The following CDKN2B-AS1 variants were observed in gnomAD, a reference collection of about 807,000 sequenced individuals.
CDKN2B-AS1 encodes CDKN2B antisense RNA 1 (non-protein coding).
intron 4 of CDKN2B-AS1, among the ~76,000 whole-genome samples, chr9:22,103,857 A>G (rs1419350383): frequency 6.6e-6 from 1 of 152,218 alleles, no homozygotes; most frequent in Admixed American, 6.5e-5. Flanking sequence ...AAATGTCCTT[A>G]CATAACACTG....
chr9:22,067,544 G>A (rs371501786), intron 4 of CDKN2B-AS1, among the ~76,000 whole-genome samples: 4 of 151,612 alleles, frequency 2.6e-5, no homozygotes, highest in Admixed American at 6.6e-5. Flanking sequence ...ACACACGCAC[G>A]CACACACACA....
At chr9:22,013,786 T>C (rs1004666145) in intron 1 of CDKN2B-AS1, among the ~76,000 whole-genome samples, 27 of 152,310 alleles carry the variant, frequency 1.8e-4, no homozygotes, top group Admixed American at 5.2e-4. Context: ...TTCCCCCTTT[T>C]GCCTTCTTTT....
intron 4 of CDKN2B-AS1, among the ~76,000 whole-genome samples, chr9:22,106,640 A>G (rs1475308534): frequency 6.6e-6 from 1 of 152,226 alleles, no homozygotes; most frequent in East Asian, 1.9e-4. Context: ...GACTGGCACA[A>G]AGTAGGCACT....
Position 22,005,081 on chromosome 9 carries a change from G to A in CDKN2B-AS1, n.29+9920G>A, listed in dbSNP as rs530815253. On this transcript the variant is annotated intron_variant and non_coding_transcript_variant, in intron 1 of 4. Transcript: ENST00000650946. This position sits in a 1 kb window ranked among gnomAD's most constrained non-coding sequence, Gnocchi z 4.9. ...CAAAATATCACAAAATCAAAAAGTA[G>A]CAAGTCATAAGGGGATTTCCGCATC... The A allele has an allele frequency of 2.6e-5, 6 of 232,726 alleles. No individual in the cohort carries two copies. The highest frequency in any genetic ancestry group is 1.3e-4 in the African/African-American group (6 of 45,244). The allele number at this position is 232,726 out of a possible 1,614,324, so 14.4% of individuals were successfully genotyped here. A position where few individuals can be genotyped will look rare whatever the true frequency, so the allele number is the denominator to read the frequency against.
intron 1 of CDKN2B-AS1, chr9:22,029,862 G>T: frequency 5.5e-6 from 1 of 182,412 alleles, no homozygotes; most frequent in East Asian, 1.4e-4. Flanking sequence ...ATTACAAAAT[G>T]GATAGTGGAT....
At chr9:22,029,793 A>C (rs1472071390) in intron 1 of CDKN2B-AS1, 1 of 304,296 alleles carries the variant, frequency 3.3e-6, no homozygotes, top group African/African-American at 2.2e-5. Flanking sequence ...ATAATCACTA[A>C]GATGTTAGTA....
At chr9:22,101,353 G>A (rs2131356034) in intron 4 of CDKN2B-AS1, among the ~76,000 whole-genome samples, 1 of 152,192 alleles carries the variant, frequency 6.6e-6, no homozygotes, top group Middle Eastern at 3.4e-3. Flanking sequence ...ACTTTATAAT[G>A]CTTTTATAAG....
rs1021146113 is a variant in CDKN2B-AS1, at chr9:21,996,775, A to G, written n.29+1614A>G. ...AGAAAGGGTTAGTTCATCCTGGAAG[A>G]AAAACGATGTCGGATGCCAGCATAG... On this transcript the variant is annotated intron_variant and non_coding_transcript_variant, in intron 1 of 4. Coordinates refer to ENST00000650946, the Ensembl canonical transcript of CDKN2B-AS1. This position sits in a 1 kb window ranked among gnomAD's most constrained non-coding sequence, Gnocchi z 5.4. 6.6e-6 allele frequency among the ~76,000 whole-genome samples: 1 copy of G among 152,192 alleles called. No homozygotes were observed. The highest frequency in any genetic ancestry group is 1.5e-5 in the Non-Finnish European group (1 of 68,040).
chr9:22,009,696 C>T (rs935580596), intron 1 of CDKN2B-AS1, among the ~76,000 whole-genome samples: 1 of 152,156 alleles, frequency 6.6e-6, no homozygotes, highest in Non-Finnish European at 1.5e-5. Flanking sequence ...AAAATAACTC[C>T]GTGTTTCTTA....
chr9:22,067,492 T>A (rs759301953), intron 4 of CDKN2B-AS1, among the ~76,000 whole-genome samples: 2 of 152,010 alleles, frequency 1.3e-5, no homozygotes, highest in Non-Finnish European at 1.5e-5. Flanking sequence ...GTTATTGTCA[T>A]TACAGAGTGC....
chr9:22,024,285 G>A (rs1369500073), intron 1 of CDKN2B-AS1, among the ~76,000 whole-genome samples: 1 of 152,272 alleles, frequency 6.6e-6, no homozygotes, highest in East Asian at 1.9e-4. Context: ...TTTGTTCTCT[G>A]GTTCCTCGAG....
At chr9:22,094,037 T>G (rs1825188387) in intron 4 of CDKN2B-AS1, among the ~76,000 whole-genome samples, 1 of 144,546 alleles carries the variant, frequency 6.9e-6, no homozygotes, top group South Asian at 2.1e-4. Flanking sequence ...TCTTAGCATT[T>G]GCTTTTCTGT....
Position 21,997,592 on chromosome 9 carries a change from G to C in CDKN2B-AS1, n.29+2431G>C, listed in dbSNP as rs533257703. On this transcript the variant is annotated intron_variant and non_coding_transcript_variant, in intron 1 of 4. Coordinates refer to ENST00000650946, the Ensembl canonical transcript of CDKN2B-AS1. This position sits in a 1 kb window ranked among gnomAD's most constrained non-coding sequence, Gnocchi z 4.8. ...ATTGGAGACCCAGGGAAGAGTTGTT[G>C]TTGCAAGACTTGAATCCAAAGGCAA... Among the ~76,000 whole-genome samples, 37 of 152,204 alleles carry C rather than the reference G, an allele frequency of 2.4e-4. No individual in the cohort carries two copies. Among genetic ancestry groups the C allele is most frequent in the African/African-American group, 8.9e-4 (37 of 41,538 alleles).
At chr9:22,058,239 G>A (rs1054046844) in intron 4 of CDKN2B-AS1, 3 of 152,256 alleles carry the variant, frequency 2.0e-5, no homozygotes, top group Non-Finnish European at 4.4e-5. Context: ...ATTGAAAATA[G>A]ATTGCCTCTC....
At position 22,083,774 on chromosome 9, in the gene CDKN2B-AS1, T is replaced by C. The variant is rs1405482498; in HGVS notation, n.438+27387T>C. Among the ~76,000 whole-genome samples, 5 of 152,126 alleles carry C rather than the reference T, an allele frequency of 3.3e-5. 1 individual carries two copies. The East Asian group carries it at 5.8e-4, about 18-fold the overall frequency. On this transcript the variant is annotated intron_variant and non_coding_transcript_variant, in intron 4 of 4. Coordinates refer to ENST00000650946, the Ensembl canonical transcript of CDKN2B-AS1. ...AGGGTAGGTAAGATGCTGAGTTCAGTTTTGGATGTGTTGAGATGGACTGGT... is the reference window on the plus strand; with the variant it reads ...AGGGTAGGTAAGATGCTGAGTTCAGCTTTGGATGTGTTGAGATGGACTGGT...
At chr9:22,099,723 C>G (rs2131353741) in intron 4 of CDKN2B-AS1, among the ~76,000 whole-genome samples, 1 of 148,328 alleles carries the variant, frequency 6.7e-6, no homozygotes, top group Non-Finnish European at 1.5e-5. Context: ...ACATTTAGAT[C>G]CTGATGTGGT....
chr9:22,039,355 A>T lies in CDKN2B-AS1; in HGVS notation n.30-7396A>T, dbSNP rs942646630. 6.6e-6 allele frequency among the ~76,000 whole-genome samples: 1 copy of T among 151,764 alleles called. No individual in the cohort carries two copies. Among genetic ancestry groups the T allele is most frequent in the African/African-American group, 2.4e-5 (1 of 41,310 alleles). On this transcript the variant is annotated intron_variant and non_coding_transcript_variant, in intron 1 of 4. Coordinates refer to ENST00000650946, the Ensembl canonical transcript of CDKN2B-AS1. This position sits in a 1 kb window ranked among gnomAD's most constrained non-coding sequence, Gnocchi z 4.4. ...GTCCTGTCTTTATGAAACCAGTATA[A>T]TTTTTCTTTTCGCTCTTGTCCTTCA... is the stretch of plus-strand genomic sequence containing the variant.
chr9:22,124,171 T>C (rs1175783621), intron 4 of CDKN2B-AS1, among the ~76,000 whole-genome samples: 1 of 152,226 alleles, frequency 6.6e-6, no homozygotes, highest in Non-Finnish European at 1.5e-5. Flanking sequence ...GGAAGATTAA[T>C]TACACTTTCT....
intron 1 of CDKN2B-AS1, among the ~76,000 whole-genome samples, chr9:22,018,675 A>G (rs979566571): frequency 7.2e-5 from 11 of 152,134 alleles, no homozygotes; most frequent in African/African-American, 2.4e-4. Context: ...GAAAAACATA[A>G]TCCATGTATG....
Sources: gnomAD v4.1 joint callset for allele counts (sites outside exome capture counted in the v4.1 genomes callset) on GRCh38, gnomAD v4.1.1 for gene constraint, Gnocchi (gnomAD v3.1) non-coding constraint, MANE v1.5 for transcripts, NCBI Gene and HGNC (gene_info 2026-07-23, HGNC 2026-07-21) for gene names.